Variants in INF2 observed in about 807,000 individuals in gnomAD.
INF2 encodes the protein inverted formin-2.
A neutral mutation model predicts 123.5 loss-of-function variants in INF2; 43 were observed. The observed-to-expected ratio is 0.35, with a 90% CI of 0.27 to 0.45. The LOEUF (loss-of-function observed/expected upper bound fraction) is 0.45, where lower values mean the gene tolerates loss of function less well. Ranked by LOEUF, INF2 falls within the 20% of genes least tolerant of loss-of-function variation. The pLI is 1.00. For missense variants in INF2, 1,453 were observed against 1,682.7 expected, an observed-to-expected ratio of 0.86 and a Z score of 2.39; for synonymous variants, 851 against 745.0, an observed-to-expected ratio of 1.14 and a Z score of -2.32.
At chr14:104,688,565 C>T (rs1037805457), upstream of INF2, among the ~76,000 whole-genome samples, 1 of 152,226 alleles carries the variant, frequency 6.6e-6, no homozygotes, top group Non-Finnish European at 1.5e-5. Context: ...CTCATACAGC[C>T]CTTACGGGTA....
rs1889835529 is a variant in INF2 at position 104,707,524 on chromosome 14, C to T, written c.1257C>T (p.Ser419=). The T allele has an allele frequency of 1.3e-6, 2 of 1,521,224 alleles. No individual in the cohort carries two copies. The highest frequency in any genetic ancestry group is 1.2e-5 in the South Asian group (1 of 82,990). 94.2% of individuals were successfully genotyped at this position (1,521,224 alleles called of 1,614,324 possible). A position where few individuals can be genotyped will look rare whatever the true frequency, so the allele number is the denominator to read the frequency against. The part of the protein sequence containing the change: ...SQPRALEQQA[S]TPPPPPPPPL... ...CCAGAGCCCTGGAGCAGCAGGCGTCCACCCCACCCCCACCCCCACCCCCAC... is the reference window on the plus strand; with the variant it reads ...CCAGAGCCCTGGAGCAGCAGGCGTCTACCCCACCCCCACCCCCACCCCCAC... The change falls in exon 8 of 23, where the codon TCC becomes TCT. Residue 419 remains serine (S), a synonymous_variant. Coordinates refer to ENST00000392634, the MANE Select transcript of INF2 (RefSeq NM_022489.4).
At chr14:104,707,077 G>A (rs937966097) in intron 7 of INF2, 26 bp downstream of exon 7, 3 of 1,561,254 alleles carry the variant, frequency 1.9e-6, no homozygotes, top group Non-Finnish European at 2.6e-6. Context: ...AGGGGCGTAG[G>A]CACAGCCTGG....
In INF2 at chr14:104,703,465, G is replaced by T. The variant is rs989845957; in HGVS notation, c.667+11G>T. ...GGAACGAGTTTATCGGTAAGCACCT[G>T]CCCTGGGCCGCATGCCCGCTCCTGC... On this transcript the variant is annotated intron_variant, in intron 4 of 22. Transcript: ENST00000392634. 1 of 1,610,400 alleles carries T rather than the reference G, an allele frequency of 6.2e-7. No individual in the cohort carries two copies. Among genetic ancestry groups the T allele is most frequent in the Non-Finnish European group, 8.5e-7 (1 of 1,179,898 alleles).
At chr14:104,718,750 C>A in intron 22 of INF2, 45 bp from the exon 23 acceptor site, 3 of 1,608,348 alleles carry the variant, frequency 1.9e-6, no homozygotes, top group Non-Finnish European at 2.5e-6. Flanking sequence ...ATATTGTACC[C>A]AGCAAAACTG....
At chr14:104,688,315 A>T (rs1327585754), upstream of INF2, among the ~76,000 whole-genome samples, 1 of 151,952 alleles carries the variant, frequency 6.6e-6, no homozygotes, top group Non-Finnish European at 1.5e-5. Context: ...CACAGGGAGC[A>T]GACAGACGCA....
rs1323987101 is a variant in INF2 at position 104,715,319 on chromosome 14, A to G, written c.3730A>G (p.Lys1244Glu). ...PPDSDDNKTKKLCVIQ is the reference protein window; with the variant it reads ...PPDSDDNKTKELCVIQ ...TGATTCTGATGATAATAAAACAAAG[A>G]AACTGTGTGTGATCCAGTAAGGTAT... The change falls in exon 22 of 23, where the codon AAA becomes GAA. Residue 1244 changes from lysine (K) to glutamate (E), a missense_variant. Physicochemically the swap from Lys to Glu is moderately conservative, Grantham distance 56 (BLOSUM62 1). Coordinates refer to ENST00000392634, the MANE Select transcript of INF2 (RefSeq NM_022489.4). The G allele has an allele frequency of 2.5e-6, 4 of 1,613,642 alleles. No individual in the cohort carries two copies. The highest frequency in any genetic ancestry group is 3.4e-6 in the Non-Finnish European group (4 of 1,179,850).
chr14:104,699,427 C>G lies in INF2; in HGVS notation c.-9-1930C>G. Reference sequence around the variant, plus strand: ...GGCTCTTCATGGTGGTGGGAGCAACCCTACTGCCACCAGGAGGGGCGTTGG... The same window carrying G: ...GGCTCTTCATGGTGGTGGGAGCAACGCTACTGCCACCAGGAGGGGCGTTGG... On this transcript the variant is annotated intron_variant, in intron 1 of 22. Coordinates refer to ENST00000392634, the MANE Select transcript of INF2 (RefSeq NM_022489.4). The surrounding 1 kb of genome is among the most constrained non-coding windows in gnomAD (Gnocchi z 4.7). 3.0e-6 allele frequency: 3 copies of G among 985,302 alleles called. No homozygotes were observed. In the South Asian group the frequency reaches 1.4e-4, roughly 46 times the overall value. 61.0% of individuals were successfully genotyped at this position (985,302 alleles called of 1,614,324 possible).
In INF2 at chr14:104,707,447, T is replaced by C. The variant is rs1417703338; in HGVS notation, c.1180T>C (p.Cys394Arg). The C allele has an allele frequency of 1.3e-6, 2 of 1,564,580 alleles. No homozygotes were observed. The highest frequency in any genetic ancestry group is 2.7e-5 in the African/African-American group (2 of 73,386). The change falls in exon 8 of 23, where the codon TGC (cysteine) becomes CGC (arginine). Residue 394 changes from cysteine (C) to arginine (R), a missense_variant. Physicochemically the swap from Cys to Arg is radical, Grantham distance 180. Around this residue, in one of 8 missense-constraint regions of INF2, gnomAD observed 374 missense variants for 303.7 expected, o/e 1.23. Coordinates refer to ENST00000392634, the MANE Select transcript of INF2 (RefSeq NM_022489.4). ...CCAGCAGCCAGCAGCAGCTGCTGCC[T>C]GCGAGCCCGTGGACCACGCCCAGAG... is the stretch of plus-strand genomic sequence containing the variant. ...EGQQPAAAAA[C>R]EPVDHAQSES... is the part of the protein sequence containing the mutation.
At chr14:104,697,999 G>C (rs1338839293) in intron 1 of INF2, among the ~76,000 whole-genome samples, 1 of 152,256 alleles carries the variant, frequency 6.6e-6, no homozygotes, top group African/African-American at 2.4e-5. Context: ...GGATGGTCCT[G>C]CCCTGCCTCA....
chr14:104,701,110 T>TCCTCATGC lies in INF2; in HGVS notation c.-9-246_-9-239dup, dbSNP rs1675015617. ...CCCCTCCCAGCCCTGAGCCTCGGGG[T>TCCTCATGC]CCTCATGCGCGCAGTAGGGCCCTTC... On this transcript the variant is annotated intron_variant, in intron 1 of 22. Coordinates refer to ENST00000392634, the MANE Select transcript of INF2 (RefSeq NM_022489.4). Among the ~76,000 whole-genome samples the TCCTCATGC allele has an allele frequency of 1.1e-4, 16 of 151,918 alleles. No homozygotes were observed. In the South Asian group the frequency reaches 3.3e-3, roughly 32 times the overall value.
Position 104,684,088 on chromosome 14 carries a change from A to G in INF2, c.-104+2506A>G, listed in dbSNP as rs1463168453. On this transcript the variant is annotated intron_variant, in intron 1 of 2. Coordinates refer to the INF2 transcript ENST00000674723. This position sits in a 1 kb window ranked among gnomAD's most constrained non-coding sequence, Gnocchi z 5.0. ...GTGGAGAACCCCTTCTTTAAGCAAA[A>G]GATGGCACGGACCCCCGACATAAGA... The G allele has an allele frequency of 2.2e-6, 1 of 455,922 alleles. No individual in the cohort carries two copies. Among genetic ancestry groups the G allele is most frequent in the African/African-American group, 2.0e-5 (1 of 50,078 alleles). The allele number at this position is 455,922 out of a possible 1,614,324, so 28.2% of individuals were successfully genotyped here. A position where few individuals can be genotyped will look rare whatever the true frequency, so the allele number is the denominator to read the frequency against.
At chr14:104,687,377 C>T (rs2140579750), upstream of INF2, among the ~76,000 whole-genome samples, 1 of 152,138 alleles carries the variant, frequency 6.6e-6, no homozygotes, top group South Asian at 2.1e-4. This position sits in a 1 kb window ranked among gnomAD's most constrained non-coding sequence, Gnocchi z 5.6. Context: ...CTGCCCCGGG[C>T]ATGGTGGGTT....
chr14:104,702,658 G>A (rs779301901), intron 2 of INF2, among the ~76,000 whole-genome samples: 10 of 152,258 alleles, frequency 6.6e-5, no homozygotes, highest in Non-Finnish European at 5.9e-5. Flanking sequence ...TTCTCAGCCC[G>A]TCTCCCCAGC....
At chr14:104,686,991 C>T (rs927170589), upstream of INF2, among the ~76,000 whole-genome samples, 7 of 152,228 alleles carry the variant, frequency 4.6e-5, no homozygotes, top group East Asian at 1.3e-3. Context: ...CATGTGGCTC[C>T]GCCTGGGTGT....
chr14:104,720,482 G>A lies in INF2; in HGVS notation c.*1689G>A, dbSNP rs1360821423. On this transcript the variant is annotated 3_prime_UTR_variant, in exon 23 of 23. Coordinates refer to ENST00000392634, the MANE Select transcript of INF2 (RefSeq NM_022489.4). The stretch of plus-strand genomic sequence containing the variant: ...TGCTGTGGACGTCTGCGTCGTCCTC[G>A]TGTGGATGCTGCTGTGGACATCTGC... 1.6e-4 allele frequency: 10 copies of A among 60,992 alleles called. 1 individual carries two copies. Among genetic ancestry groups the A allele is most frequent in the Non-Finnish European group, 8.1e-5 (3 of 36,908 alleles). 3.8% of individuals were successfully genotyped at this position (60,992 alleles called of 1,614,324 possible).
chr14:104,715,459 C>A, intron 22 of INF2, 119 bp downstream of exon 22: 1 of 965,810 alleles, frequency 1.0e-6, no homozygotes, highest in Non-Finnish European at 1.7e-6. Flanking sequence ...CCGCGTGGTG[C>A]GTCAGTGTGG....
At chr14:104,703,986 T>C (rs1595167108) in intron 5 of INF2, 37 bp downstream of exon 5, 1 of 1,606,670 alleles carries the variant, frequency 6.2e-7, no homozygotes, top group Non-Finnish European at 8.5e-7. Context: ...CGGCTCCCCC[T>C]CCTGCTCCCA....
At chr14:104,716,036 A>G (rs1236706453) in intron 22 of INF2, 2 of 443,636 alleles carry the variant, frequency 4.5e-6, no homozygotes, top group Non-Finnish European at 9.1e-6. Context: ...ACAGGGCTGG[A>G]GAGGCCAATG....
intron 8 of INF2, 35 bp from the exon 9 acceptor site, chr14:104,708,401 G>T (rs1889884930): frequency 6.8e-6 from 11 of 1,607,114 alleles, no homozygotes; most frequent in Non-Finnish European, 9.3e-6. Context: ...CCCCGGGGCT[G>T]CGAGAGCCTC....
Sources: gnomAD v4.1 joint callset for allele counts (sites outside exome capture counted in the v4.1 genomes callset) on GRCh38, gnomAD v4.1.1 for gene constraint, gnomAD v4.1.1 regional missense constraint, Gnocchi (gnomAD v3.1) non-coding constraint, MANE v1.5 for transcripts, NCBI Gene and HGNC (gene_info 2026-07-23, HGNC 2026-07-21) for gene names.